GRIN2B: variants seen among roughly 807,000 people sequenced by gnomAD.
GRIN2B encodes glutamate receptor ionotropic, NMDA 2B.
A neutral mutation model predicts 114.5 loss-of-function variants in GRIN2B; 5 were observed. The ratio of observed to expected loss-of-function variants is 0.04; its 90% CI spans 0.02 to 0.09. The LOEUF (loss-of-function observed/expected upper bound fraction) is 0.09. GRIN2B is among the 10% of genes least tolerant of loss of function. The pLI, the probability that GRIN2B is intolerant of heterozygous loss-of-function variation, is 1.00. For synonymous variants in GRIN2B, 787 were observed against 745.1 expected (o/e 1.06, Z -0.92); for missense variants, 1,108 against 1,943.5 (o/e 0.57, Z 8.08).
At chr12:13,821,903 C>G (rs1864945374) in intron 3 of GRIN2B, among the ~76,000 whole-genome samples, 1 of 152,146 alleles carries the variant, frequency 6.6e-6, no homozygotes. Context: ...ATTACTTTCT[C>G]TATTACACAA....
At chr12:13,975,347 T>C (rs1490842119) in intron 2 of GRIN2B, among the ~76,000 whole-genome samples, 1 of 152,188 alleles carries the variant, frequency 6.6e-6, no homozygotes, top group Admixed American at 6.5e-5. Context: ...TAATATACGA[T>C]AAAGTTAGAG....
Position 13,924,380 on chromosome 12 carries a change from G to A in GRIN2B, c.-19+55548C>T, listed in dbSNP as rs116677634. Reference sequence around the variant, plus strand: ...AATGCCCAGGCTCTGACAACTGTGAGAGCTATTATCATCCCTGCTCCCCCA... The same window carrying A: ...AATGCCCAGGCTCTGACAACTGTGAAAGCTATTATCATCCCTGCTCCCCCA... On this transcript the variant is annotated intron_variant, in intron 2 of 13. Coordinates refer to ENST00000609686, the MANE Select transcript of GRIN2B (RefSeq NM_000834.5). 6.5e-3 allele frequency among the ~76,000 whole-genome samples: 986 copies of A among 152,308 alleles called. 11 individuals are homozygous for A. Among genetic ancestry groups the A allele is most frequent in the African/African-American group, 0.022 (931 of 41,556 alleles).
intron 5 of GRIN2B, among the ~76,000 whole-genome samples, chr12:13,650,916 T>G (rs1381730488): frequency 6.6e-6 from 1 of 152,072 alleles, no homozygotes; most frequent in Non-Finnish European, 1.5e-5. Context: ...GCATAGTAGG[T>G]GCTGAACAAA....
At chr12:13,840,995 A>C (rs1865369264) in intron 3 of GRIN2B, among the ~76,000 whole-genome samples, 1 of 152,240 alleles carries the variant, frequency 6.6e-6, no homozygotes, top group South Asian at 2.1e-4. Context: ...AAGTAATCAT[A>C]GTTTTCCTCT....
chr12:13,800,797 A>C (rs966640830), intron 3 of GRIN2B, among the ~76,000 whole-genome samples: 1 of 152,208 alleles, frequency 6.6e-6, no homozygotes, highest in African/African-American at 2.4e-5. Flanking sequence ...TGATCTAATT[A>C]ACCAAATACG....
chr12:13,930,072 T>C (rs1246127292), intron 2 of GRIN2B, among the ~76,000 whole-genome samples: 1 of 151,924 alleles, frequency 6.6e-6, no homozygotes, highest in Non-Finnish European at 1.5e-5. Context: ...CAGTCCCAGC[T>C]ACTTGGGAGG....
At chr12:13,821,538 T>A (rs562535440) in intron 3 of GRIN2B, among the ~76,000 whole-genome samples, 1 of 152,246 alleles carries the variant, frequency 6.6e-6, no homozygotes, top group South Asian at 2.1e-4. Flanking sequence ...ATGGGACTGG[T>A]GTTAGGAAGA....
chr12:13,962,976 C>A (rs559458934), intron 2 of GRIN2B, among the ~76,000 whole-genome samples: 1 of 152,314 alleles, frequency 6.6e-6, no homozygotes, highest in East Asian at 1.9e-4. Flanking sequence ...AGCCCCTCAC[C>A]CGCCACCTCT....
chr12:13,683,224 T>C (rs1280827843), intron 4 of GRIN2B, among the ~76,000 whole-genome samples: 2 of 151,906 alleles, frequency 1.3e-5, no homozygotes, highest in Non-Finnish European at 2.9e-5. Context: ...TGCCCCAAAA[T>C]GCTTAGTGGT....
chr12:13,955,001 T>C (rs1198523030), intron 2 of GRIN2B, among the ~76,000 whole-genome samples: 1 of 152,008 alleles, frequency 6.6e-6, no homozygotes, highest in Non-Finnish European at 1.5e-5. Context: ...CAAAGTCATG[T>C]GGTTGCCCTT....
chr12:13,680,436 T>TTGTGTGTGTGTG lies in GRIN2B; in HGVS notation c.1011-4589_1011-4578dup, dbSNP rs56755720. Among the ~76,000 whole-genome samples the TTGTGTGTGTGTG allele has an allele frequency of 4.9e-3, 611 of 123,490 alleles. 7 individuals carry two copies. The highest frequency in any genetic ancestry group is 0.02 in the East Asian group (85 of 4,306). 81.0% of individuals were successfully genotyped at this position (123,490 alleles called of 152,430 possible). A position where few individuals can be genotyped will look rare whatever the true frequency, so the allele number is the denominator to read the frequency against. ...AAATCCCCTGGAAGTCCCATCAAGG[T>TTGTGTGTGTGTG]TGTGTGTGTGTGTGTGTGTGTGTGT... On this transcript the variant is annotated intron_variant, in intron 4 of 13. Transcript: ENST00000609686.
At chr12:13,777,747 C>A (rs186211775) in intron 3 of GRIN2B, among the ~76,000 whole-genome samples, 2 of 152,314 alleles carry the variant, frequency 1.3e-5, no homozygotes, top group East Asian at 1.9e-4. Flanking sequence ...AGATGCATCA[C>A]ATATTAAAGG....
At chr12:13,791,895 A>G (rs576270328) in intron 3 of GRIN2B, among the ~76,000 whole-genome samples, 4 of 152,280 alleles carry the variant, frequency 2.6e-5, no homozygotes, top group Admixed American at 2.0e-4. Context: ...ATCGAACATC[A>G]GGTCTCATTT....
chr12:13,927,985 G>GA (rs1866949178), intron 2 of GRIN2B, among the ~76,000 whole-genome samples: 1 of 28,564 alleles, frequency 3.5e-5, no homozygotes, highest in Non-Finnish European at 9.1e-5. Context: ...AAAAAAAAGG[G>GA]GGGGTATGCT....
chr12:13,802,403 TAATA>T (rs1419901610), intron 3 of GRIN2B, among the ~76,000 whole-genome samples: 17 of 152,156 alleles, frequency 1.1e-4, no homozygotes, highest in African/African-American at 4.1e-4. Flanking sequence ...AGTAATTTGA[TAATA>T]AATATTCAAA....
intron 10 of GRIN2B, among the ~76,000 whole-genome samples, chr12:13,577,514 C>T (rs1299554571): frequency 6.6e-6 from 1 of 152,140 alleles, no homozygotes; most frequent in Non-Finnish European, 1.5e-5. Flanking sequence ...TGGCTGCCAC[C>T]TCCCCGCTAG....
chr12:13,841,631 G>A (rs1319364373), intron 3 of GRIN2B, among the ~76,000 whole-genome samples: 1 of 152,134 alleles, frequency 6.6e-6, no homozygotes, highest in East Asian at 1.9e-4. Flanking sequence ...GCTCTTAGAA[G>A]CAATTTCCTT....
Position 13,549,953 on chromosome 12 carries a change from TGAAAACC to T in GRIN2B, c.*12823_*12829del, listed in dbSNP as rs1290538316. Reference sequence around the variant, plus strand: ...GTGACTTTTCTCCACTGCTAGATGCTGAAAACCTACAGTGGGGGCAGACAATTCAGGC... The same window carrying T: ...GTGACTTTTCTCCACTGCTAGATGCTTACAGTGGGGGCAGACAATTCAGGC... On this transcript the variant is annotated 3_prime_UTR_variant, in exon 14 of 14. Transcript: ENST00000609686. 2 of 152,172 alleles carry T rather than the reference TGAAAACC, an allele frequency of 1.3e-5. No individual in the cohort carries two copies. Among genetic ancestry groups the T allele is most frequent in the African/African-American group, 4.8e-5 (2 of 41,448 alleles). 9.4% of individuals were successfully genotyped at this position (152,172 alleles called of 1,614,324 possible).
At chr12:13,601,204 C>G (rs1448598754) in intron 10 of GRIN2B, among the ~76,000 whole-genome samples, 1 of 152,214 alleles carries the variant, frequency 6.6e-6, no homozygotes, top group Admixed American at 6.5e-5. Flanking sequence ...GAAGCTTATT[C>G]TCACATAGTT....
Sources: allele counts gnomAD v4.1 joint callset (sites outside exome capture counted in the v4.1 genomes callset), GRCh38; gene constraint gnomAD v4.1.1; transcripts MANE v1.5; gene names NCBI Gene and HGNC (gene_info 2026-07-23, HGNC 2026-07-21).